SYNE1: variants seen among roughly 807,000 people sequenced by gnomAD.
The protein encoded by SYNE1 is nesprin-1.
In SYNE1, 616 loss-of-function variants were observed where a neutral mutation model predicts 1,111.0. The observed-to-expected ratio is 0.55, with a 90% CI of 0.52 to 0.59. The LOEUF is 0.59. Among genes scored for constraint, SYNE1 ranks in the 20% least tolerant of loss-of-function variants. The pLI is 0.00. For missense variants in SYNE1, 10,006 were observed against 10,417.0 expected, an observed-to-expected ratio of 0.96 and a Z score of 1.72; for synonymous variants, 3,855 against 3,825.8, an observed-to-expected ratio of 1.01 and a Z score of -0.28.
chr6:152,504,074 T>C (rs941093447), intron 9 of SYNE1, among the ~76,000 whole-genome samples: 7 of 152,274 alleles, frequency 4.6e-5, no homozygotes, highest in East Asian at 1.9e-4. Flanking sequence ...TAAGATCTTC[T>C]GGTCTGGTGG....
intron 95 of SYNE1, among the ~76,000 whole-genome samples, chr6:152,291,750 G>T (rs56093970): frequency 0.02 from 3,002 of 152,202 alleles, 95 homozygotes; most frequent in African/African-American, 0.07. Flanking sequence ...CAAGAATGGG[G>T]GCTTGAACAA....
chr6:152,362,845 C>T (rs771855386), intron 63 of SYNE1, among the ~76,000 whole-genome samples: 7 of 150,400 alleles, frequency 4.7e-5, no homozygotes, highest in Non-Finnish European at 7.4e-5. Flanking sequence ...TTTATTTTAT[C>T]GATAAGTTAA....
At position 152,359,344 on chromosome 6, in the gene SYNE1, G is replaced by A. The variant is rs2096893099; in HGVS notation, c.10414C>T (p.Arg3472Ter). ...TQLELQDLQE[R>*]YRAIQERAKE... ...GCCCTCTCTTGGATGGCTCTGTATC[G>A]TTCCTGTAGATCCTGGAGTTCTAGC... is the stretch of plus-strand genomic sequence containing the variant. Residue 3472 changes from arginine to a stop codon, truncating the protein, a stop_gained, in exon 65 of 146, where the codon CGA (arginine) becomes TGA (stop). Coordinates refer to ENST00000367255, the MANE Select transcript of SYNE1 (RefSeq NM_182961.4). LOFTEE classifies it high-confidence loss of function. 3.7e-6 allele frequency: 6 copies of A among 1,613,970 alleles called. No homozygotes were observed. Among genetic ancestry groups the A allele is most frequent in the South Asian group, 1.1e-5 (1 of 91,086 alleles).
rs116378631 is a variant in SYNE1, at chr6:152,311,575, G to A, written c.16711-702C>T. On this transcript the variant is annotated intron_variant, in intron 87 of 145. Transcript: ENST00000367255. ...TGGGGAAGATTGGGAGAAGGTCTCCGGGAAGAATCACATCTGAGCCCAGTC... is the reference window on the plus strand; with the variant it reads ...TGGGGAAGATTGGGAGAAGGTCTCCAGGAAGAATCACATCTGAGCCCAGTC... Among the ~76,000 whole-genome samples, 603 of 152,236 alleles carry A rather than the reference G, an allele frequency of 4.0e-3. 5 individuals are homozygous for A. Among genetic ancestry groups the A allele is most frequent in the African/African-American group, 0.014 (562 of 41,534 alleles).
At chr6:152,369,214 C>CACGG in intron 60 of SYNE1, 87 bp from the exon 61 acceptor site, 1 of 1,548,058 alleles carries the variant, frequency 6.5e-7, no homozygotes, top group Non-Finnish European at 8.7e-7. Flanking sequence ...TGGAAATCAA[C>CACGG]ACTGGCAGGC....
intron 3 of SYNE1, among the ~76,000 whole-genome samples, chr6:152,585,201 A>G (rs1369773977): frequency 6.6e-6 from 1 of 151,798 alleles, no homozygotes; most frequent in Non-Finnish European, 1.5e-5. Context: ...TCTTTCTGCC[A>G]TGACTGTTAA....
At chr6:152,393,485 C>CA (rs2097680344) in intron 51 of SYNE1, among the ~76,000 whole-genome samples, 1 of 151,620 alleles carries the variant, frequency 6.6e-6, no homozygotes, top group African/African-American at 2.4e-5. Context: ...TCTGTTAATT[C>CA]AGCAAACATT....
intron 76 of SYNE1, chr6:152,336,300 T>C (rs1195641976): frequency 5.7e-6 from 1 of 175,522 alleles, no homozygotes. Flanking sequence ...GCTTCAGTAA[T>C]ATATTTGAAT....
intron 7 of SYNE1, among the ~76,000 whole-genome samples, chr6:152,510,623 G>C (rs996788164): frequency 2.6e-5 from 4 of 151,938 alleles, no homozygotes; most frequent in African/African-American, 9.7e-5. Context: ...AAACCTAATG[G>C]TTAGAACAAT....
chr6:152,318,211 G>A lies in SYNE1; in HGVS notation c.16442C>T (p.Ala5481Val). The A allele has an allele frequency of 6.2e-7, 1 of 1,614,084 alleles. No homozygotes were observed. Among genetic ancestry groups the A allele is most frequent in the Non-Finnish European group, 8.5e-7 (1 of 1,180,016 alleles). Reference sequence around the variant, plus strand: ...CTGTTCCAAGAATTTCTGTACTGCTGCATCTAATTCCATTAACTTTGAATT... The same window carrying A: ...CTGTTCCAAGAATTTCTGTACTGCTACATCTAATTCCATTAACTTTGAATT... ...GCNSKLMELDAAVQKFLEQNG... is the reference protein window; with the variant it reads ...GCNSKLMELDVAVQKFLEQNG... Residue 5481 changes from alanine to valine, a missense_variant, in exon 86 of 146, where the codon GCA (alanine) becomes GTA (valine). Physicochemically the swap from Ala to Val is moderately conservative, Grantham distance 64. This residue lies in a region of SYNE1 where 4,955 missense variants were observed against 5,017.2 expected (regional missense o/e 0.99). Coordinates refer to ENST00000367255, the MANE Select transcript of SYNE1 (RefSeq NM_182961.4).
intron 78 of SYNE1, among the ~76,000 whole-genome samples, chr6:152,329,473 G>A (rs2096186988): frequency 1.3e-5 from 2 of 152,220 alleles, no homozygotes; most frequent in Non-Finnish European, 2.9e-5. Flanking sequence ...GTTGCAGTAA[G>A]CCGAGATTGC....
Position 152,133,456 on chromosome 6 carries a change from G to A in SYNE1, c.25821C>T (p.Leu8607=). The stretch of plus-strand genomic sequence containing the variant: ...ACATGTCTTGCAAAGAGGCTACTCT[G>A]AGTTGGGATTCCAACAGCTCATGCT... ...QIKHELLESQ[L]RVASLQDMSC... Residue 8607 remains leucine, a synonymous_variant, in exon 143 of 146, where the codon CTC becomes CTT. Coordinates refer to ENST00000367255, the MANE Select transcript of SYNE1 (RefSeq NM_182961.4). 2 of 1,614,166 alleles carry A rather than the reference G, an allele frequency of 1.2e-6. No homozygotes were observed. The highest frequency in any genetic ancestry group is 1.7e-6 in the Non-Finnish European group (2 of 1,180,024).
At chr6:152,197,452 C>G (rs1488094312) in intron 127 of SYNE1, among the ~76,000 whole-genome samples, 1 of 152,162 alleles carries the variant, frequency 6.6e-6, no homozygotes, top group African/African-American at 2.4e-5. Context: ...ATAGGAATCA[C>G]TATCTATGGC....
intron 91 of SYNE1, among the ~76,000 whole-genome samples, chr6:152,304,648 A>G (rs1465021366): frequency 6.6e-6 from 1 of 152,136 alleles, no homozygotes; most frequent in African/African-American, 2.4e-5. Context: ...TATGAAGTAG[A>G]CAGAGTTAGT....
At chr6:152,176,657 C>G (rs1286598501) in intron 129 of SYNE1, 97 bp from the exon 130 acceptor site, 2 of 1,250,220 alleles carry the variant, frequency 1.6e-6, no homozygotes, top group African/African-American at 1.5e-5. Flanking sequence ...CTTTCTACTG[C>G]TTGGAAGTAG....
At chr6:152,136,551 A>G (rs774248294) in intron 141 of SYNE1, 67 bp downstream of exon 141, 4 of 1,588,180 alleles carry the variant, frequency 2.5e-6, no homozygotes, top group African/African-American at 1.3e-5. Context: ...TGATACATCA[A>G]GTCACACACT....
intron 130 of SYNE1, among the ~76,000 whole-genome samples, chr6:152,169,561 CAAAAAAAAAA>C (rs371955068): frequency 5.5e-5 from 1 of 18,090 alleles, no homozygotes; most frequent in Admixed American, 1.2e-3. Flanking sequence ...GACTCCATCT[CAAAAAAAAAA>C]AAAAAAAAAA....
At chr6:152,619,100 C>T (rs2099669230) in intron 3 of SYNE1, among the ~76,000 whole-genome samples, 1 of 151,918 alleles carries the variant, frequency 6.6e-6, no homozygotes, top group Admixed American at 6.6e-5. Context: ...TAGCCCCAAT[C>T]TGAAAGAATA....
At chr6:152,519,207 G>A (rs948846522) in intron 6 of SYNE1, among the ~76,000 whole-genome samples, 17 of 152,100 alleles carry the variant, frequency 1.1e-4, no homozygotes, top group African/African-American at 4.1e-4. Context: ...AGAGGGCCTA[G>A]GAGAAATGAT....
Sources: allele counts gnomAD v4.1 joint callset (sites outside exome capture counted in the v4.1 genomes callset), GRCh38; gene constraint gnomAD v4.1.1; regional missense constraint gnomAD v4.1.1; transcripts MANE v1.5; gene names NCBI Gene and HGNC (gene_info 2026-07-23, HGNC 2026-07-21).